Variants in ATL1 observed in about 807,000 individuals in gnomAD.
ATL1 encodes the protein atlastin GTPase 1.
In ATL1, 31 loss-of-function variants were observed where a neutral mutation model predicts 75.5. That is an observed-to-expected ratio of 0.41 (90% CI 0.31 to 0.55). The LOEUF is 0.55. Ranked by LOEUF, ATL1 falls within the 20% of genes least tolerant of loss-of-function variation. The pLI, the probability that ATL1 is intolerant of heterozygous loss-of-function variation, is 0.27. For missense variants in ATL1, 405 were observed against 662.6 expected, an observed-to-expected ratio of 0.61 and a Z score of 4.27; for synonymous variants, 226 against 233.3, an observed-to-expected ratio of 0.97 and a Z score of 0.28.
At position 50,595,560 on chromosome 14, in the gene ATL1, G is replaced by A; in HGVS notation, c.574-16G>A. ...TCTCTCTCTGTGTATGTGTGTGTGT[G>A]TAATTTTTTTTCTAGCTTTTCACTG... On this transcript the variant is annotated splice_polypyrimidine_tract_variant and intron_variant, in intron 5 of 13. Coordinates refer to ENST00000358385, the MANE Select transcript of ATL1 (RefSeq NM_015915.5). 1 of 1,612,612 alleles carries A rather than the reference G, an allele frequency of 6.2e-7. No individual in the cohort carries two copies. Among genetic ancestry groups the A allele is most frequent in the Non-Finnish European group, 8.5e-7 (1 of 1,179,112 alleles).
In ATL1 at chr14:50,536,404, C is replaced by T. The variant is rs142561331; in HGVS notation, c.-140+3037C>T. Among the ~76,000 whole-genome samples, 594 of 148,336 alleles carry T rather than the reference C, an allele frequency of 4.0e-3. 1 individual carries two copies. Among genetic ancestry groups the T allele is most frequent in the African/African-American group, 0.014 (572 of 40,016 alleles). ...TGAGCCAAGATTGCACCATTGCACT[C>T]CAGCCTGGGCAACAAGAGCAAAACT... is the stretch of plus-strand genomic sequence containing the variant. On this transcript the variant is annotated intron_variant, in intron 1 of 13. Transcript: ENST00000441560.
intron 1 of ATL1, among the ~76,000 whole-genome samples, chr14:50,576,573 C>A (rs2039008006): frequency 6.6e-6 from 1 of 152,104 alleles, no homozygotes; most frequent in Admixed American, 6.5e-5. Context: ...CAAAGGATTT[C>A]TGAATGAAAA....
At chr14:50,570,746 T>G (rs903448807) in intron 1 of ATL1, among the ~76,000 whole-genome samples, 2 of 152,246 alleles carry the variant, frequency 1.3e-5, no homozygotes, top group Admixed American at 1.3e-4. Context: ...TTCCCTTAAA[T>G]GGCCAGTACT....
intron 1 of ATL1, among the ~76,000 whole-genome samples, chr14:50,584,823 C>T (rs1375671880): frequency 6.6e-6 from 1 of 151,438 alleles, no homozygotes; most frequent in Non-Finnish European, 1.5e-5. Flanking sequence ...AAATGTTAAC[C>T]ATAAAAGAAA....
At chr14:50,613,380 T>A in intron 7 of ATL1, 29 bp downstream of exon 7, 1 of 1,521,208 alleles carries the variant, frequency 6.6e-7, no homozygotes, top group Non-Finnish European at 9.1e-7. Context: ...TGCATGAAAT[T>A]TCACTAATAA....
At chr14:50,559,905 C>G (rs919042322), upstream of ATL1, 10 of 341,708 alleles carry the variant, frequency 2.9e-5, no homozygotes, top group Non-Finnish European at 5.6e-5. Context: ...TCTGATAACG[C>G]TGTTAAATTC....
chr14:50,584,885 T>C (rs1302510894), intron 1 of ATL1, among the ~76,000 whole-genome samples: 1 of 152,044 alleles, frequency 6.6e-6, no homozygotes, highest in Non-Finnish European at 1.5e-5. Flanking sequence ...TCATCAATTA[T>C]AGCTTAAGGA....
At chr14:50,599,837 A>C (rs897853938) in intron 6 of ATL1, among the ~76,000 whole-genome samples, 6 of 152,124 alleles carry the variant, frequency 3.9e-5, no homozygotes, top group African/African-American at 1.4e-4. Context: ...GTAAAGTAGC[A>C]TGGAGAGATG....
chr14:50,623,314 T>G, intron 11 of ATL1, 66 bp downstream of exon 11: 2 of 1,331,696 alleles, frequency 1.5e-6, no homozygotes, highest in Non-Finnish European at 2.1e-6. Flanking sequence ...ACTCATTCTC[T>G]TTTTTCTTCC....
rs1400422719 is a variant in ATL1 at position 50,632,926 on chromosome 14, G to T, written c.*587G>T. ...ATGCACAAAAAATCACTTTGTATAT[G>T]TGAGTTTCACTGCATTGTATATTTT... On this transcript the variant is annotated 3_prime_UTR_variant, in exon 14 of 14. Coordinates refer to ENST00000358385, the MANE Select transcript of ATL1 (RefSeq NM_015915.5). The T allele has an allele frequency of 6.5e-6, 1 of 152,762 alleles. No individual in the cohort carries two copies. Among genetic ancestry groups the T allele is most frequent in the Admixed American group, 6.5e-5 (1 of 15,366 alleles). 9.5% of individuals were successfully genotyped at this position (152,762 alleles called of 1,614,324 possible).
intron 4 of ATL1, among the ~76,000 whole-genome samples, chr14:50,592,935 T>A (rs1160787220): frequency 2.2e-4 from 28 of 126,778 alleles, no homozygotes; most frequent in African/African-American, 8.6e-4. Flanking sequence ...AAAAAATATA[T>A]ATATATATAT....
chr14:50,594,241 A>G (rs910977778), intron 5 of ATL1, among the ~76,000 whole-genome samples: 3 of 152,138 alleles, frequency 2.0e-5, no homozygotes, highest in African/African-American at 7.2e-5. Context: ...ATCTGTGAGA[A>G]CTCACTCACT....
intron 6 of ATL1, among the ~76,000 whole-genome samples, chr14:50,597,220 C>CAAACA (rs1555364366): frequency 1.8e-5 from 2 of 108,404 alleles, no homozygotes; most frequent in African/African-American, 4.2e-5. Context: ...AAAAAACAAA[C>CAAACA]AAAAAAAAAA....
intron 5 of ATL1, 58 bp from the exon 6 acceptor site, chr14:50,595,518 T>TTC (rs3834518): frequency 8.0e-4 from 1,121 of 1,406,994 alleles, no homozygotes; most frequent in Middle Eastern, 2.3e-3. Context: ...GGTGCTAAAG[T>TTC]TCTCTCTCTC....
rs1595619635 is a variant in ATL1 at position 50,620,780 on chromosome 14, C to A, written c.990+54C>A. ...GGGATAGATTTGACATATATTGGAT[C>A]GTAATTCCTATAAACAAAAATTATA... On this transcript the variant is annotated intron_variant, in intron 9 of 13. Transcript: ENST00000358385. The A allele has an allele frequency of 7.5e-6, 12 of 1,598,386 alleles. No homozygotes were observed. In the East Asian group the frequency reaches 2.5e-4, roughly 33 times the overall value.
intron 2 of ATL1, among the ~76,000 whole-genome samples, chr14:50,590,113 C>T (rs1042541886): frequency 2.0e-5 from 3 of 152,212 alleles, no homozygotes; most frequent in Admixed American, 2.0e-4. Context: ...ACTCCACTTG[C>T]ATCAGTACTT....
At chr14:50,553,128 C>G (rs1446025187) in intron 1 of ATL1, among the ~76,000 whole-genome samples, 1 of 151,916 alleles carries the variant, frequency 6.6e-6, no homozygotes, top group Non-Finnish European at 1.5e-5. Flanking sequence ...AACCCTGTCT[C>G]TACTAAAAAT....
chr14:50,621,222 C>T (rs2039464070), intron 9 of ATL1, among the ~76,000 whole-genome samples: 1 of 152,074 alleles, frequency 6.6e-6, no homozygotes, highest in South Asian at 2.1e-4. Flanking sequence ...TACTTTTTAC[C>T]AGCACTGAAT....
At chr14:50,600,689 C>G (rs2039263702) in intron 6 of ATL1, among the ~76,000 whole-genome samples, 1 of 152,076 alleles carries the variant, frequency 6.6e-6, no homozygotes, top group East Asian at 1.9e-4. Context: ...CACTTCTATC[C>G]TCTTCTCTCT....
Sources: gnomAD v4.1 joint callset for allele counts (sites outside exome capture counted in the v4.1 genomes callset) on GRCh38, gnomAD v4.1.1 for gene constraint, MANE v1.5 for transcripts, NCBI Gene and HGNC (gene_info 2026-07-23, HGNC 2026-07-21) for gene names.